MSMB: variants seen among roughly 807,000 people sequenced by gnomAD.
MSMB encodes microseminoprotein beta, also known as beta-microseminoprotein.
MSMB carries 10 observed loss-of-function variants against 10.5 expected under a neutral mutation model. That is an observed-to-expected ratio of 0.95 (90% CI 0.59 to 1.62). The LOEUF (loss-of-function observed/expected upper bound fraction) is 1.62. Ranked by LOEUF, MSMB falls within the 40% of genes most tolerant of loss-of-function variation. MSMB has a pLI of 0.00. For synonymous variants in MSMB, 43 were observed against 46.5 expected, an observed-to-expected ratio of 0.93 and a Z score of 0.30; for missense variants, 126 against 137.4, an observed-to-expected ratio of 0.92 and a Z score of 0.42.
At chr10:46,041,344 C>CAAAAAAAAAAA (rs60728604) in intron 1 of MSMB, among the ~76,000 whole-genome samples, 1 of 96,604 alleles carries the variant, frequency 1.0e-5, no homozygotes, top group African/African-American at 3.0e-5. Flanking sequence ...GACTCCGTCT[C>CAAAAAAAAAAA]AAAAAAAAAA....
rs368488584 is a variant in MSMB, at chr10:46,040,053, G to A, written c.42C>T (p.Phe14=). The A allele has an allele frequency of 1.8e-5, 29 of 1,613,826 alleles. No individual in the cohort carries two copies. The highest frequency in any genetic ancestry group is 5.5e-5 in the South Asian group (5 of 91,088). Residue 14 remains phenylalanine, a synonymous_variant, in exon 2 of 4, where the codon TTC becomes TTT. Coordinates refer to ENST00000582163, the MANE Select transcript of MSMB (RefSeq NM_002443.4). ...AGCATGATGCATTGCATAAAGTCAC[G>A]AAGGTGGCAAAGATCACAACGCTGC... ...LLGSVVIFAT[F]VTLCNASCYF...
chr10:46,036,659 T>C (rs1401600456), intron 3 of MSMB, among the ~76,000 whole-genome samples: 7 of 152,204 alleles, frequency 4.6e-5, no homozygotes, highest in African/African-American at 1.7e-4. Context: ...TACAAGGGAA[T>C]GGAGATTCAG....
intron 3 of MSMB, among the ~76,000 whole-genome samples, chr10:46,037,268 G>C (rs907788205): frequency 2.0e-5 from 3 of 152,164 alleles, no homozygotes; most frequent in African/African-American, 7.2e-5. Context: ...TTCTGGGATG[G>C]AGCCCAGGAA....
At chr10:46,045,008 G>C (rs1289434040) in intron 1 of MSMB, among the ~76,000 whole-genome samples, 1 of 151,996 alleles carries the variant, frequency 6.6e-6, no homozygotes, top group Non-Finnish European at 1.5e-5. Flanking sequence ...CAGTTTCTGA[G>C]AGCAAGTTTG....
chr10:46,043,725 A>G (rs1050676088), intron 1 of MSMB, among the ~76,000 whole-genome samples: 1 of 152,090 alleles, frequency 6.6e-6, no homozygotes, highest in Non-Finnish European at 1.5e-5. Context: ...CCTAGAGTAG[A>G]GTTCAGTGAT....
At chr10:46,042,213 A>G (rs1257804321) in intron 1 of MSMB, among the ~76,000 whole-genome samples, 1 of 152,234 alleles carries the variant, frequency 6.6e-6, no homozygotes, top group Non-Finnish European at 1.5e-5. Flanking sequence ...GAACAATATC[A>G]TTACATACCA....
chr10:46,036,395 T>C (rs1456832210), intron 3 of MSMB, among the ~76,000 whole-genome samples: 1 of 152,232 alleles, frequency 6.6e-6, no homozygotes, highest in Non-Finnish European at 1.5e-5. Context: ...TCATTTCCCC[T>C]GCATGGAGCA....
intron 3 of MSMB, among the ~76,000 whole-genome samples, chr10:46,034,176 G>C (rs1331514183): frequency 1.3e-5 from 2 of 152,092 alleles, no homozygotes; most frequent in Non-Finnish European, 1.5e-5. Flanking sequence ...GCAGTGGCAC[G>C]ATCTCAGCTC....
chr10:46,035,017 A>G (rs782641112), intron 3 of MSMB, among the ~76,000 whole-genome samples: 6 of 152,092 alleles, frequency 3.9e-5, no homozygotes, highest in Non-Finnish European at 5.9e-5. Flanking sequence ...ATAGAATGTT[A>G]ATAGTTATTA....
chr10:46,042,442 T>C (rs560207848), intron 1 of MSMB, among the ~76,000 whole-genome samples: 1 of 152,340 alleles, frequency 6.6e-6, no homozygotes, highest in East Asian at 1.9e-4. Context: ...TAGAGGTATC[T>C]ATGGGAGGTG....
chr10:46,043,615 G>C (rs1840802555), intron 1 of MSMB, among the ~76,000 whole-genome samples: 1 of 152,076 alleles, frequency 6.6e-6, no homozygotes, highest in African/African-American at 2.4e-5. Context: ...GACCAACCCA[G>C]TGCTGCTTTA....
intron 1 of MSMB, among the ~76,000 whole-genome samples, chr10:46,040,873 G>A (rs1003377992): frequency 3.3e-5 from 5 of 151,552 alleles, no homozygotes; most frequent in Admixed American, 6.6e-5. Flanking sequence ...AGAATGGCAC[G>A]AACCCAGGAG....
At chr10:46,043,973 CCAGA>C (rs1456205455) in intron 1 of MSMB, among the ~76,000 whole-genome samples, 1 of 152,122 alleles carries the variant, frequency 6.6e-6, no homozygotes, top group East Asian at 1.9e-4. Flanking sequence ...CCGCGCCCAA[CCAGA>C]CAGCCTGTTA....
chr10:46,036,438 G>A (rs1262349269), intron 3 of MSMB, among the ~76,000 whole-genome samples: 1 of 152,192 alleles, frequency 6.6e-6, no homozygotes, highest in Non-Finnish European at 1.5e-5. Context: ...CATGGCAGTA[G>A]AAACCTTGAA....
chr10:46,034,146 T>C (rs191275477), intron 3 of MSMB, among the ~76,000 whole-genome samples: 38 of 152,308 alleles, frequency 2.5e-4, no homozygotes, highest in Admixed American at 1.7e-3. Flanking sequence ...TGAATTTCAC[T>C]CTGTCACCCA....
intron 1 of MSMB, among the ~76,000 whole-genome samples, chr10:46,042,613 C>T (rs10821682): frequency 0.15 from 22,823 of 152,098 alleles, 1,698 homozygotes; most frequent in African/African-American, 0.16. Context: ...ACAGACTCCT[C>T]CACAACGATG....
intron 3 of MSMB, among the ~76,000 whole-genome samples, chr10:46,037,099 G>T (rs1477878724): frequency 6.6e-6 from 1 of 152,166 alleles, no homozygotes; most frequent in African/African-American, 2.4e-5. Context: ...CGATAAATGT[G>T]GCTGGAACTC....
At chr10:46,036,023 G>A (rs1840594803) in intron 3 of MSMB, among the ~76,000 whole-genome samples, 2 of 152,176 alleles carry the variant, frequency 1.3e-5, no homozygotes, top group Admixed American at 6.5e-5. Flanking sequence ...GAGAGAGAGG[G>A]AGGGAGAAAC....
At chr10:46,037,891 G>A (rs1554927764) in intron 3 of MSMB, among the ~76,000 whole-genome samples, 1 of 152,202 alleles carries the variant, frequency 6.6e-6, no homozygotes, top group East Asian at 1.9e-4. Context: ...CAGATGAATG[G>A]AGATGCAAAA....
Sources: allele counts gnomAD v4.1 joint callset (sites outside exome capture counted in the v4.1 genomes callset), GRCh38; gene constraint gnomAD v4.1.1; transcripts MANE v1.5; gene names NCBI Gene and HGNC (gene_info 2026-07-23, HGNC 2026-07-21).